Variants in RELN observed in about 807,000 individuals in gnomAD.
The protein encoded by RELN is reelin.
In RELN, 108 loss-of-function variants were observed where a neutral mutation model predicts 427.6. The ratio of observed to expected loss-of-function variants is 0.25; its 90% confidence interval spans 0.22 to 0.30. The LOEUF is 0.30. Among genes scored for constraint, RELN ranks in the 10% least tolerant of loss-of-function variants. RELN has a pLI of 1.00. For synonymous variants in RELN, 1,524 were observed against 1,513.4 expected (o/e 1.01, Z -0.16); for missense variants, 3,715 against 4,302.8 (o/e 0.86, Z 3.82).
At chr7:103,553,280 T>C (rs1830451855) in intron 40 of RELN, among the ~76,000 whole-genome samples, 181 bp downstream of exon 40, 1 of 152,168 alleles carries the variant, frequency 6.6e-6, no homozygotes, top group Admixed American at 6.5e-5. Context: ...AATTCAGAAA[T>C]AAACCTTAGT....
chr7:103,888,733 C>T (rs1012810106), intron 2 of RELN, among the ~76,000 whole-genome samples: 1 of 152,294 alleles, frequency 6.6e-6, no homozygotes, highest in Non-Finnish European at 1.5e-5. Flanking sequence ...ATTCTCCTAA[C>T]AGACACAGGC....
At chr7:103,758,338 A>C (rs1403286446) in intron 4 of RELN, among the ~76,000 whole-genome samples, 1 of 152,138 alleles carries the variant, frequency 6.6e-6, no homozygotes, top group Non-Finnish European at 1.5e-5. Flanking sequence ...GACCACAGAT[A>C]AAATATAAAA....
At chr7:103,784,767 A>C (rs17156023) in intron 3 of RELN, among the ~76,000 whole-genome samples, 2,874 of 152,266 alleles carry the variant, frequency 0.019, 92 homozygotes, top group African/African-American at 0.062. Flanking sequence ...ATAAACTCAG[A>C]AAACATTCTT....
chr7:103,512,933 G>A (rs909633241), intron 50 of RELN: 1 of 152,144 alleles, frequency 6.6e-6, no homozygotes, highest in African/African-American at 2.4e-5. Flanking sequence ...CCCATATTGT[G>A]TCTTTTTGAT....
At chr7:103,854,004 G>GT (rs1793885041) in intron 2 of RELN, among the ~76,000 whole-genome samples, 2 of 152,070 alleles carry the variant, frequency 1.3e-5, no homozygotes, top group African/African-American at 2.4e-5. Flanking sequence ...AATGATAAAT[G>GT]TTTAAGGTGA....
chr7:103,565,155 C>G, intron 34 of RELN, 123 bp downstream of exon 34: 1 of 1,291,010 alleles, frequency 7.7e-7, no homozygotes. Context: ...TTTTTTCTTC[C>G]TGGCACTTCC....
intron 8 of RELN, among the ~76,000 whole-genome samples, chr7:103,708,793 G>A (rs1026894703): frequency 6.6e-6 from 1 of 152,050 alleles, no homozygotes; most frequent in Non-Finnish European, 1.5e-5. Flanking sequence ...TCTCTTACAC[G>A]ATTCGGGCCT....
At chr7:103,946,261 T>C (rs1017187533) in intron 1 of RELN, among the ~76,000 whole-genome samples, 4 of 152,224 alleles carry the variant, frequency 2.6e-5, no homozygotes, top group Admixed American at 6.5e-5. Context: ...ACTATTATTA[T>C]TACTCACTTA....
chr7:103,788,152 A>C (rs1007306827), intron 3 of RELN, among the ~76,000 whole-genome samples: 3 of 152,262 alleles, frequency 2.0e-5, no homozygotes, highest in African/African-American at 4.8e-5. Flanking sequence ...TTCATGCTAA[A>C]AACACTCAAT....
chr7:103,732,810 C>T (rs1790388007), intron 6 of RELN, among the ~76,000 whole-genome samples: 1 of 152,104 alleles, frequency 6.6e-6, no homozygotes, highest in Non-Finnish European at 1.5e-5. Context: ...AGGTATTTAA[C>T]CCCCAAAAAT....
chr7:103,503,122 G>A lies in RELN; in HGVS notation c.8383C>T (p.Pro2795Ser), dbSNP rs1178872549. The A allele has an allele frequency of 1.9e-6, 3 of 1,614,178 alleles. No individual in the cohort carries two copies. Among genetic ancestry groups the A allele is most frequent in the Non-Finnish European group, 2.5e-6 (3 of 1,180,022 alleles). The change falls in exon 52 of 65, where the codon CCT (proline) becomes TCT (serine). Residue 2795 changes from proline (P) to serine (S), a missense_variant. This residue lies in a region of RELN where 1,310 missense variants were observed against 1,643.0 expected (regional missense o/e 0.80). Transcript: ENST00000428762. ...CTTCCAGAGCATTTTGGGTCAGCAG[G>A]CAAGCACTGAGGGACCAGATAATTC... is the stretch of plus-strand genomic sequence containing the variant. ...SWNYLVPQCL[P>S]ADPKCSGSVS...
chr7:103,574,492 C>T (rs1338014807), intron 29 of RELN, among the ~76,000 whole-genome samples, 193 bp from the exon 30 acceptor site: 4 of 152,148 alleles, frequency 2.6e-5, no homozygotes, highest in Non-Finnish European at 5.9e-5. Flanking sequence ...ACTATTCTGC[C>T]TCTGTAAATT....
chr7:103,870,799 G>T (rs1794313173), intron 2 of RELN, among the ~76,000 whole-genome samples: 1 of 152,114 alleles, frequency 6.6e-6, no homozygotes, highest in Admixed American at 6.6e-5. Context: ...CATGTGTGCA[G>T]CTGAGCCCTG....
intron 63 of RELN, among the ~76,000 whole-genome samples, chr7:103,479,547 A>G (rs1006097723): frequency 1.3e-5 from 2 of 152,056 alleles, no homozygotes; most frequent in African/African-American, 2.4e-5. Flanking sequence ...GTTTTATTGG[A>G]AAATATGAGA....
At chr7:103,872,035 TC>T (rs1238890882) in intron 2 of RELN, among the ~76,000 whole-genome samples, 1,740 of 107,078 alleles carry the variant, frequency 0.016, 8 homozygotes, top group African/African-American at 0.028. Context: ...TATATATTTT[TC>T]TTTTTTCTTT....
At chr7:103,670,327 G>T (rs563236029) in intron 11 of RELN, among the ~76,000 whole-genome samples, 1 of 152,088 alleles carries the variant, frequency 6.6e-6, no homozygotes, top group African/African-American at 2.4e-5. Context: ...TTCCTTTTAG[G>T]AACTTACCTT....
rs978914860 is a variant in RELN at position 103,472,744 on chromosome 7, G to A, written c.*68C>T. Reference sequence around the variant, plus strand: ...GATATTTCCTGATATCAGATGTAGTGCGAGATTTAAAAGAATGGAGAGCAA... The same window carrying A: ...GATATTTCCTGATATCAGATGTAGTACGAGATTTAAAAGAATGGAGAGCAA... On this transcript the variant is annotated 3_prime_UTR_variant, in exon 65 of 65. Transcript: ENST00000428762. 239 of 1,231,278 alleles carry A rather than the reference G, an allele frequency of 1.9e-4. 2 individuals carry two copies. The highest frequency in any genetic ancestry group is 4.0e-5 in the Non-Finnish European group (33 of 835,130). 76.3% of individuals were successfully genotyped at this position (1,231,278 alleles called of 1,614,324 possible).
chr7:103,960,786 C>G (rs1796536739), intron 1 of RELN, among the ~76,000 whole-genome samples: 1 of 152,224 alleles, frequency 6.6e-6, no homozygotes, highest in Non-Finnish European at 1.5e-5. Context: ...ACTCTCCGCT[C>G]TGTCCCCCAC....
Position 103,557,166 on chromosome 7 carries a change from A to C in RELN, c.5615-7T>G. The C allele has an allele frequency of 6.2e-7, 1 of 1,605,486 alleles. No individual in the cohort carries two copies. The highest frequency in any genetic ancestry group is 8.5e-7 in the Non-Finnish European group (1 of 1,172,256). On this transcript the variant is annotated splice_region_variant and splice_polypyrimidine_tract_variant and intron_variant, in intron 37 of 64. Transcript: ENST00000428762. The stretch of plus-strand genomic sequence containing the variant: ...TGAGATCTCTCTGGGGTACCTAGGA[A>C]GAAGATAACACAGGTATAAAACATA...
Sources: gnomAD v4.1 joint callset for allele counts (sites outside exome capture counted in the v4.1 genomes callset) on GRCh38, gnomAD v4.1.1 for gene constraint, gnomAD v4.1.1 regional missense constraint, MANE v1.5 for transcripts, NCBI Gene and HGNC (gene_info 2026-07-23, HGNC 2026-07-21) for gene names.